DMD: variants seen among roughly 807,000 people sequenced by gnomAD.
DMD encodes dystrophin, also known as mutant dystrophin.
In DMD, 63 loss-of-function variants were observed where a neutral mutation model predicts 330.1. The ratio of observed to expected loss-of-function variants is 0.19; its 90% confidence interval spans 0.16 to 0.24. DMD has a LOEUF of 0.24. Ranked by LOEUF, DMD falls within the 10% of genes least tolerant of loss-of-function variation. DMD has a pLI of 1.00. For missense variants in DMD, 3,344 were observed against 2,684.1 expected (o/e 1.25, Z -5.43); for synonymous variants, 1,223 against 959.8 (o/e 1.27, Z -5.07).
chrX:31,187,898 G>C (rs1462965716), intron 67 of DMD, among the ~76,000 whole-genome samples: 1 of 111,587 alleles, frequency 9.0e-6, no homozygotes, highest in East Asian at 2.8e-4. Context: ...ACTGAGGACA[G>C]AACAAGAAGA....
intron 54 of DMD, among the ~76,000 whole-genome samples, chrX:31,640,864 T>G (rs1227792098): frequency 1.8e-5 from 2 of 112,120 alleles, no homozygotes; most frequent in Admixed American, 9.5e-5. Context: ...AAATGGAAAG[T>G]GACAAGGTAA....
chrX:32,606,385 T>C (rs1179139975), intron 12 of DMD, among the ~76,000 whole-genome samples: 1 of 109,521 alleles, frequency 9.1e-6, no homozygotes, highest in Non-Finnish European at 1.9e-5. Flanking sequence ...GGGATACCTG[T>C]CATTAAAAAA....
Position 32,423,289 on chromosome X carries a change from C to T in DMD, c.4072-11376G>A, listed in dbSNP as rs62590722. 4.2e-3 allele frequency among the ~76,000 whole-genome samples: 428 copies of T among 103,022 alleles called. 2 individuals carry two copies. Among genetic ancestry groups the T allele is most frequent in the Middle Eastern group, 0.022 (4 of 183 alleles). The allele number at this position is 103,022 out of a possible 115,157, so 89.5% of individuals were successfully genotyped here. A position where few individuals can be genotyped will look rare whatever the true frequency, so the allele number is the denominator to read the frequency against. ...TATTCCAACTTCAGAAGAAATAACTCAACTATCAAATTATGAGATATTTGA... is the reference window on the plus strand; with the variant it reads ...TATTCCAACTTCAGAAGAAATAACTTAACTATCAAATTATGAGATATTTGA... On this transcript the variant is annotated intron_variant, in intron 29 of 78. Coordinates refer to ENST00000357033, the MANE Select transcript of DMD (RefSeq NM_004006.3).
chrX:32,643,537 AATG>A (rs2059603763), intron 11 of DMD, among the ~76,000 whole-genome samples: 1 of 111,309 alleles, frequency 9.0e-6, no homozygotes, highest in Non-Finnish European at 1.9e-5. Flanking sequence ...ACATATCCAG[AATG>A]ATGAGATCTG....
intron 55 of DMD, among the ~76,000 whole-genome samples, chrX:31,595,863 C>A (rs1381979009): frequency 9.2e-6 from 1 of 109,209 alleles, no homozygotes; most frequent in African/African-American, 3.3e-5. Flanking sequence ...GAAGCTGGTA[C>A]CAGAGGCATT....
chrX:32,069,335 T>A (rs1302969286), intron 44 of DMD, among the ~76,000 whole-genome samples: 1 of 111,741 alleles, frequency 8.9e-6, no homozygotes, highest in Admixed American at 9.6e-5. Flanking sequence ...TATGTTTCTT[T>A]AGAAAAAAGG....
chrX:32,207,690 T>C (rs2097076234), intron 44 of DMD, among the ~76,000 whole-genome samples: 1 of 112,069 alleles, frequency 8.9e-6, no homozygotes, highest in Non-Finnish European at 1.9e-5. Context: ...GAGATTAAAT[T>C]TGAAAGTTCC....
At chrX:31,314,748 G>GAGAGAGAGAGAGAGAA (rs1556488353) in intron 62 of DMD, among the ~76,000 whole-genome samples, 101 of 59,278 alleles carry the variant, frequency 1.7e-3, no homozygotes, top group African/African-American at 8.0e-3. Context: ...TACACAGAGA[G>GAGAGAGAGAGAGAGAA]AGAGAGAGAG....
intron 1 of DMD, among the ~76,000 whole-genome samples, chrX:33,093,820 T>C (rs1195740830): frequency 9.0e-6 from 1 of 111,395 alleles, no homozygotes; most frequent in Non-Finnish European, 1.9e-5. Context: ...ATAATCTTGA[T>C]GAGTTTTCAG....
intron 67 of DMD, among the ~76,000 whole-genome samples, chrX:31,198,510 T>A (rs1441107773): frequency 8.9e-6 from 1 of 112,548 alleles, no homozygotes; most frequent in Admixed American, 9.4e-5. Context: ...CTACACATTG[T>A]ATGCTTGTAT....
intron 1 of DMD, among the ~76,000 whole-genome samples, chrX:33,310,999 G>A (rs1465901552): frequency 9.1e-6 from 1 of 110,426 alleles, no homozygotes; most frequent in Non-Finnish European, 1.9e-5. Context: ...TCTAAGTTAT[G>A]TAAAGATATC....
chrX:31,496,800 G>C lies in DMD; in HGVS notation c.8535C>G (p.Asn2845Lys), dbSNP rs1302775057. The change falls in exon 57 of 79, where the codon AAC (asparagine) becomes AAG (lysine). Residue 2845 changes from asparagine (N) to lysine (K), a missense_variant. Coordinates refer to ENST00000357033, the MANE Select transcript of DMD (RefSeq NM_004006.3). ...AAAAATGTCCTACCCTATGTACATC[G>C]TTCTGCTTCTGAACTGCTGGAAAGT... ...GGDFPAVQKQ[N>K]DVHRAFKREL... The C allele has an allele frequency of 8.3e-7, 1 of 1,212,001 alleles. No homozygotes were observed. Among genetic ancestry groups the C allele is most frequent in the Non-Finnish European group, 1.1e-6 (1 of 895,544 alleles).
chrX:31,612,074 T>C (rs180681648), intron 55 of DMD, among the ~76,000 whole-genome samples: 2 of 110,964 alleles, frequency 1.8e-5, no homozygotes, highest in Admixed American at 1.9e-4. Context: ...TATCCATCTC[T>C]AGAATGTTTT....
At chrX:31,773,128 T>C (rs1186774177) in intron 51 of DMD, among the ~76,000 whole-genome samples, 3 of 112,578 alleles carry the variant, frequency 2.7e-5, no homozygotes, top group Non-Finnish European at 5.6e-5. Flanking sequence ...CTTTAATACC[T>C]AAATACCTTC....
chrX:31,172,331 A>G lies in DMD; in HGVS notation c.10394+17T>C, dbSNP rs1214433381. On this transcript the variant is annotated intron_variant, in intron 73 of 78. Transcript: ENST00000357033. ...TCATTGTCAGGAACATTTTGTAAAA[A>G]GAGATGGGATACTTACATGCTCTCA... 1.8e-6 allele frequency: 2 copies of G among 1,135,317 alleles called. No homozygotes were observed. Among genetic ancestry groups the G allele is most frequent in the Non-Finnish European group, 2.4e-6 (2 of 826,454 alleles). The allele number at this position is 1,135,317 out of a possible 1,213,427, so 93.6% of individuals were successfully genotyped here. A position where few individuals can be genotyped will look rare whatever the true frequency, so the allele number is the denominator to read the frequency against.
chrX:33,083,844 C>T (rs1013729167), intron 1 of DMD, among the ~76,000 whole-genome samples: 1 of 111,337 alleles, frequency 9.0e-6, no homozygotes, highest in African/African-American at 3.3e-5. Flanking sequence ...TGAACAGACA[C>T]CCCACAATGG....
intron 2 of DMD, among the ~76,000 whole-genome samples, chrX:32,933,343 G>T (rs1602028316): frequency 9.0e-6 from 1 of 111,183 alleles, no homozygotes; most frequent in East Asian, 2.8e-4. Flanking sequence ...CTTGCCATTG[G>T]TCGGGGTAGG....
chrX:31,919,624 T>C (rs2094659925), intron 47 of DMD, among the ~76,000 whole-genome samples: 1 of 112,328 alleles, frequency 8.9e-6, no homozygotes, highest in South Asian at 3.7e-4. Context: ...AAATTATAAG[T>C]GCAACATTCA....
chrX:33,299,172 G>T (rs192997242), intron 1 of DMD, among the ~76,000 whole-genome samples: 2 of 110,516 alleles, frequency 1.8e-5, no homozygotes, highest in East Asian at 5.7e-4. Flanking sequence ...TTTTTCCTGA[G>T]AGTAAGTGGT....
Sources: allele counts gnomAD v4.1 joint callset (sites outside exome capture counted in the v4.1 genomes callset), GRCh38; gene constraint gnomAD v4.1.1; transcripts MANE v1.5; gene names NCBI Gene and HGNC (gene_info 2026-07-23, HGNC 2026-07-21).